The following CDH1 variants were observed in gnomAD, a reference collection of about 807,000 sequenced individuals.
CDH1 encodes the protein cadherin-1.
CDH1 carries 35 observed loss-of-function variants against 84.5 expected under a neutral mutation model. The observed-to-expected ratio is 0.41, with a 90% CI of 0.32 to 0.55. The LOEUF is 0.55. Among genes scored for constraint, CDH1 ranks in the 20% least tolerant of loss-of-function variants. CDH1 has a pLI of 0.19. For missense variants in CDH1, 994 were observed against 1,126.6 expected (o/e 0.88, Z 1.68); for synonymous variants, 417 against 439.0 (o/e 0.95, Z 0.63).
At chr16:68,823,262 A>G (rs1961218120) in intron 12 of CDH1, 137 bp from the exon 13 acceptor site, 1 of 663,502 alleles carries the variant, frequency 1.5e-6, no homozygotes, top group African/African-American at 1.8e-5. Context: ...AAAAGTACAT[A>G]CCTAAATAAA....
intron 15 of CDH1, among the ~76,000 whole-genome samples, chr16:68,830,546 A>T (rs1443030231): frequency 1.3e-5 from 2 of 152,170 alleles, no homozygotes; most frequent in Non-Finnish European, 2.9e-5. Context: ...TAAATACAAG[A>T]TGCTGAAACA....
In CDH1 at chr16:68,828,073, T is replaced by C; in HGVS notation, c.2165-101T>C. ...TGAAGGCAGCTAGTGGCTGTCTAACTGCCCCCTGTCTGGTATGAGGGGTGC... is the reference window on the plus strand; with the variant it reads ...TGAAGGCAGCTAGTGGCTGTCTAACCGCCCCCTGTCTGGTATGAGGGGTGC... On this transcript the variant is annotated intron_variant, in intron 13 of 15. Transcript: ENST00000261769. The C allele has an allele frequency of 4.5e-6, 6 of 1,346,392 alleles. No homozygotes were observed. The South Asian group carries it at 5.9e-5, about 13-fold the overall frequency. 83.4% of individuals were successfully genotyped at this position (1,346,392 alleles called of 1,614,324 possible). A position where few individuals can be genotyped will look rare whatever the true frequency, so the allele number is the denominator to read the frequency against.
intron 2 of CDH1, among the ~76,000 whole-genome samples, chr16:68,768,094 G>T (rs1201966671): frequency 6.6e-6 from 1 of 152,078 alleles, no homozygotes; most frequent in Admixed American, 6.6e-5. Flanking sequence ...TTACAGGCAT[G>T]CGTCACCACA....
At chr16:68,810,127 C>T (rs1960776828) in intron 5 of CDH1, 70 bp from the exon 6 acceptor site, 1 of 1,577,122 alleles carries the variant, frequency 6.3e-7, no homozygotes, top group Non-Finnish European at 8.7e-7. Context: ...GCACTCTGCT[C>T]TGGCTGGGCC....
chr16:68,758,798 ATTTGAGTGCAAT>A (rs1358605919), intron 2 of CDH1, among the ~76,000 whole-genome samples: 2 of 145,468 alleles, frequency 1.4e-5, no homozygotes, highest in Non-Finnish European at 3.0e-5. Flanking sequence ...CCCAACATCC[ATTTGAGTGCAAT>A]TTTTTTTTTT....
intron 2 of CDH1, among the ~76,000 whole-genome samples, chr16:68,783,332 G>A (rs1959935542): frequency 6.6e-6 from 1 of 150,738 alleles, no homozygotes; most frequent in African/African-American, 2.4e-5. Flanking sequence ...AGGAGGTGAA[G>A]GTTGCAGTGA....
intron 2 of CDH1, among the ~76,000 whole-genome samples, chr16:68,745,549 A>AATATATATATATATATATGTATAT (rs1555510456): frequency 1.3e-5 from 1 of 75,182 alleles, no homozygotes; most frequent in African/African-American, 5.5e-5. Flanking sequence ...AAAAAAAAAA[A>AATATATATATATATATATGTATAT]ATATATATAT....
intron 10 of CDH1, among the ~76,000 whole-genome samples, chr16:68,818,925 G>A (rs941475898): frequency 6.6e-5 from 10 of 151,094 alleles, no homozygotes; most frequent in Admixed American, 2.0e-4. Context: ...GTGCAATCTC[G>A]GCTCACTGCA....
intron 3 of CDH1, among the ~76,000 whole-genome samples, chr16:68,805,737 G>A (rs1960637690): frequency 6.6e-6 from 1 of 151,944 alleles, no homozygotes; most frequent in South Asian, 2.1e-4. Context: ...TGGGATTACA[G>A]GTGTGCACCA....
At chr16:68,815,220 A>T (rs1960949828) in intron 9 of CDH1, among the ~76,000 whole-genome samples, 1 of 152,122 alleles carries the variant, frequency 6.6e-6, no homozygotes, top group Admixed American at 6.6e-5. Flanking sequence ...TCTGTCTCAG[A>T]AAAAAATAAA....
intron 2 of CDH1, among the ~76,000 whole-genome samples, chr16:68,758,207 CTTTTTTTTTTTTTTT>C (rs57413297): frequency 7.5e-5 from 3 of 40,046 alleles, no homozygotes; most frequent in African/African-American, 2.1e-4. Context: ...CTTTTTATTT[CTTTTTTTTTTTTTTT>C]TTTTTTTTTT....
Position 68,812,165 on chromosome 16 carries a change from G to A in CDH1, c.1039G>A (p.Ala347Thr), listed in dbSNP as rs587782869. ...CCCTACGTATACCCTGGTGGTTCAAGCTGCTGACCTTCAAGGTGAGGGGTT... is the reference window on the plus strand; with the variant it reads ...CCCTACGTATACCCTGGTGGTTCAAACTGCTGACCTTCAAGGTGAGGGGTT... The part of the protein sequence containing the change: ...SFPTYTLVVQ[A>T]ADLQGEGLST... Residue 347 changes from alanine to threonine, a missense_variant, in exon 8 of 16, where the codon GCT becomes ACT. Ala to Thr is a moderately conservative substitution (Grantham distance 58, BLOSUM62 0). Around this residue, in one of 3 missense-constraint regions of CDH1, gnomAD observed 769 missense variants for 881.8 expected, o/e 0.87. Transcript: ENST00000261769. 2 of 1,614,206 alleles carry A rather than the reference G, an allele frequency of 1.2e-6. No individual in the cohort carries two copies. Among genetic ancestry groups the A allele is most frequent in the Non-Finnish European group, 1.7e-6 (2 of 1,180,038 alleles).
chr16:68,777,111 C>A (rs888309178), intron 2 of CDH1, among the ~76,000 whole-genome samples: 1 of 152,160 alleles, frequency 6.6e-6, no homozygotes, highest in African/African-American at 2.4e-5. Context: ...AAGCCACAGT[C>A]CCCCCAGGTT....
At chr16:68,743,512 C>A (rs552733650) in intron 2 of CDH1, among the ~76,000 whole-genome samples, 1 of 151,824 alleles carries the variant, frequency 6.6e-6, no homozygotes, top group Non-Finnish European at 1.5e-5. Context: ...ATTATAGGCA[C>A]GCAGAAGCAT....
At chr16:68,810,991 C>T (rs552745119) in intron 6 of CDH1, among the ~76,000 whole-genome samples, 1 of 152,222 alleles carries the variant, frequency 6.6e-6, no homozygotes, top group African/African-American at 2.4e-5. Flanking sequence ...TAGGCATGAG[C>T]TACTATACCT....
chr16:68,822,288 T>TC, intron 12 of CDH1, 63 bp downstream of exon 12: 1 of 1,075,102 alleles, frequency 9.3e-7, no homozygotes, highest in East Asian at 2.4e-5. Flanking sequence ...TTCCCCCAGA[T>TC]CCCCACCTTT....
chr16:68,771,750 CAA>C (rs34703363), intron 2 of CDH1, among the ~76,000 whole-genome samples: 99 of 140,678 alleles, frequency 7.0e-4, no homozygotes, highest in Non-Finnish European at 1.0e-3. Flanking sequence ...GACTCCCTCT[CAA>C]AAAAAAAAAA....
chr16:68,761,158 G>C (rs1959218202), intron 2 of CDH1, among the ~76,000 whole-genome samples: 1 of 152,250 alleles, frequency 6.6e-6, no homozygotes, highest in South Asian at 2.1e-4. Flanking sequence ...AAGGACAATA[G>C]TGTGGCTGGT....
chr16:68,821,128 C>T (rs568350359), intron 11 of CDH1, among the ~76,000 whole-genome samples: 74 of 151,982 alleles, frequency 4.9e-4, no homozygotes, highest in Non-Finnish European at 7.9e-4. Context: ...ACCAATTTTT[C>T]CTACTACCAT....
Sources: allele counts gnomAD v4.1 joint callset (sites outside exome capture counted in the v4.1 genomes callset), GRCh38; gene constraint gnomAD v4.1.1; regional missense constraint gnomAD v4.1.1; transcripts MANE v1.5; gene names NCBI Gene and HGNC (gene_info 2026-07-23, HGNC 2026-07-21).